Variants in FAM169A observed in about 807,000 individuals in gnomAD.
FAM169A encodes the protein family with sequence similarity 169 member A.
A neutral mutation model predicts 75.7 loss-of-function variants in FAM169A; 24 were observed. That is an observed-to-expected ratio of 0.32 (90% CI 0.23 to 0.45). FAM169A has a LOEUF of 0.45. Ranked by LOEUF, FAM169A falls within the 20% of genes least tolerant of loss-of-function variation. The pLI is 1.00. For missense variants in FAM169A, 673 were observed against 784.0 expected, an observed-to-expected ratio of 0.86 and a Z score of 1.69; for synonymous variants, 271 against 271.0, an observed-to-expected ratio of 1.00 and a Z score of 0.00.
chr5:74,820,304 A>G (rs889878563), intron 5 of FAM169A, among the ~76,000 whole-genome samples: 24 of 152,024 alleles, frequency 1.6e-4, no homozygotes, highest in Non-Finnish European at 2.6e-4. Flanking sequence ...CCTGAATTGT[A>G]TATTTTAAAT....
chr5:74,858,869 G>T (rs186103015), intron 1 of FAM169A, among the ~76,000 whole-genome samples: 4 of 152,132 alleles, frequency 2.6e-5, no homozygotes, highest in Admixed American at 2.0e-4. Context: ...TCTTAGTTTG[G>T]GATCCATAAA....
In FAM169A at chr5:74,779,497, CA is replaced by C. The variant is rs1745300348; in HGVS notation, c.*1962del. On this transcript the variant is annotated 3_prime_UTR_variant, in exon 13 of 13. Transcript: ENST00000687041. Reference sequence around the variant, plus strand: ...GTGTTTTCAAATCTAAGAAATGAAACATGTAAAGATTAAGAATTTACTGAAT... The same window carrying C: ...GTGTTTTCAAATCTAAGAAATGAAACTGTAAAGATTAAGAATTTACTGAAT... 1 of 152,018 alleles carries C rather than the reference CA, an allele frequency of 6.6e-6. No individual in the cohort carries two copies. Among genetic ancestry groups the C allele is most frequent in the East Asian group, 1.9e-4 (1 of 5,196 alleles). 9.4% of individuals were successfully genotyped at this position (152,018 alleles called of 1,614,324 possible).
At position 74,805,284 on chromosome 5, in the gene FAM169A, G is replaced by A; in HGVS notation, c.671C>T (p.Ala224Val). The part of the protein sequence containing the change: ...RYPLSSLMYT[A>V]CKQYFEKYPG... ...ATACTTCTCAAAGTATTGCTTGCAA[G>A]CTGAAAAACACATTTAGAATTTTCT... is the stretch of plus-strand genomic sequence containing the variant. The change falls in exon 7 of 13, where the codon GCT becomes GTT. Residue 224 changes from alanine to valine, a missense_variant and splice_region_variant. Ala to Val is a moderately conservative substitution (Grantham distance 64). Transcript: ENST00000687041. The A allele has an allele frequency of 6.2e-7, 1 of 1,607,648 alleles. No homozygotes were observed. The highest frequency in any genetic ancestry group is 8.5e-7 in the Non-Finnish European group (1 of 1,178,362).
intron 7 of FAM169A, 22 bp from the exon 8 acceptor site, chr5:74,804,627 A>C (rs755632935): frequency 1.1e-5 from 14 of 1,332,242 alleles, no homozygotes; most frequent in Non-Finnish European, 1.5e-5. Context: ...AGAATTTTAA[A>C]AACTGTAACC....
At chr5:74,783,986 A>G (rs1745541457) in intron 11 of FAM169A, among the ~76,000 whole-genome samples, 1 of 152,130 alleles carries the variant, frequency 6.6e-6, no homozygotes, top group African/African-American at 2.4e-5. Context: ...TAAAAAATTT[A>G]TTAAATTGTT....
intron 11 of FAM169A, among the ~76,000 whole-genome samples, chr5:74,793,034 T>C (rs899116365): frequency 6.6e-6 from 1 of 152,104 alleles, no homozygotes; most frequent in African/African-American, 2.4e-5. Flanking sequence ...AAAGAAAATG[T>C]GGTATATATA....
intron 1 of FAM169A, among the ~76,000 whole-genome samples, chr5:74,859,698 T>A (rs904322482): frequency 2.0e-5 from 3 of 152,174 alleles, no homozygotes; most frequent in Non-Finnish European, 4.4e-5. Flanking sequence ...CGATTTTTTT[T>A]AAATAAGGAA....
At chr5:74,850,857 C>T (rs1749405826) in intron 1 of FAM169A, among the ~76,000 whole-genome samples, 1 of 152,052 alleles carries the variant, frequency 6.6e-6, no homozygotes, top group African/African-American at 2.4e-5. Context: ...ATTCATAAAA[C>T]AGGAAAAACA....
At chr5:74,812,264 C>G (rs977918018) in intron 6 of FAM169A, among the ~76,000 whole-genome samples, 3 of 152,112 alleles carry the variant, frequency 2.0e-5, no homozygotes, top group Non-Finnish European at 4.4e-5. Context: ...ACCGGGACTA[C>G]AGGCACAAGC....
Position 74,801,169 on chromosome 5 carries a change from T to C in FAM169A, c.953-139A>G, listed in dbSNP as rs1375695805. On this transcript the variant is annotated intron_variant, in intron 9 of 12. Coordinates refer to ENST00000687041, the MANE Select transcript of FAM169A (RefSeq NM_001376049.1). ...CACAGGTTCACCCTCCCCTCACTTA[T>C]GTCAGGCTAAGAAAATTATTTTATA... 2.5e-5 allele frequency: 14 copies of C among 557,224 alleles called. No individual in the cohort carries two copies. The South Asian group carries it at 2.6e-4, about 10-fold the overall frequency. 34.5% of individuals were successfully genotyped at this position (557,224 alleles called of 1,614,324 possible). A position where few individuals can be genotyped will look rare whatever the true frequency, so the allele number is the denominator to read the frequency against.
At chr5:74,813,312 T>C (rs535097074) in intron 6 of FAM169A, among the ~76,000 whole-genome samples, 1 of 151,970 alleles carries the variant, frequency 6.6e-6, no homozygotes, top group Non-Finnish European at 1.5e-5. Context: ...TTATGGCATA[T>C]GTTGTTTTGT....
At chr5:74,831,670 G>C (rs1748317068) in intron 5 of FAM169A, among the ~76,000 whole-genome samples, 1 of 152,072 alleles carries the variant, frequency 6.6e-6, no homozygotes, top group African/African-American at 2.4e-5. Context: ...GAGCATTTTG[G>C]ATTTCAAATT....
At chr5:74,818,935 G>A (rs1308944240) in intron 5 of FAM169A, among the ~76,000 whole-genome samples, 1 of 151,884 alleles carries the variant, frequency 6.6e-6, no homozygotes, top group East Asian at 1.9e-4. Context: ...AATGACAAAC[G>A]ATGGCTAGGC....
At position 74,817,697 on chromosome 5, in the gene FAM169A, T is replaced by C. The variant is rs535721356; in HGVS notation, c.491-3678A>G. ...CACACAGGAAAATAAGGAGCCCAAA[T>C]AGCCAAAATAATCTTGACAAAGAAC... On this transcript the variant is annotated intron_variant, in intron 5 of 12. Coordinates refer to ENST00000687041, the MANE Select transcript of FAM169A (RefSeq NM_001376049.1). Among the ~76,000 whole-genome samples, 4 of 152,182 alleles carry C rather than the reference T, an allele frequency of 2.6e-5. No homozygotes were observed. In the South Asian group the frequency reaches 6.2e-4, roughly 24 times the overall value.
chr5:74,831,690 G>C (rs907052354), intron 5 of FAM169A, among the ~76,000 whole-genome samples: 2 of 152,150 alleles, frequency 1.3e-5, no homozygotes, highest in African/African-American at 4.8e-5. Flanking sequence ...TTTCAGATTA[G>C]AGATATTCAA....
chr5:74,781,332 G>GTAA lies in FAM169A; in HGVS notation c.*125_*127dup. 1.4e-6 allele frequency: 1 copy of GTAA among 739,914 alleles called. No individual in the cohort carries two copies. The highest frequency in any genetic ancestry group is 2.7e-5 in the Admixed American group (1 of 36,554). The allele number at this position is 739,914 out of a possible 1,614,324, so 45.8% of individuals were successfully genotyped here. A position where few individuals can be genotyped will look rare whatever the true frequency, so the allele number is the denominator to read the frequency against. On this transcript the variant is annotated 3_prime_UTR_variant, in exon 13 of 13. Transcript: ENST00000687041. ...CTAAAGGGAAGCAAAAAACTGCATAGTAAGTAAGTTCAAATTGAAATTTTG... is the reference window on the plus strand; with the variant it reads ...CTAAAGGGAAGCAAAAAACTGCATAGTAATAAGTAAGTTCAAATTGAAATTTTG...
intron 1 of FAM169A, among the ~76,000 whole-genome samples, chr5:74,858,499 A>T (rs1749840830): frequency 1.3e-5 from 2 of 152,216 alleles, no homozygotes; most frequent in African/African-American, 2.4e-5. Context: ...ACCGAATACC[A>T]CATGTTCTCA....
chr5:74,782,393 C>T (rs969342951), intron 12 of FAM169A, among the ~76,000 whole-genome samples: 1 of 152,156 alleles, frequency 6.6e-6, no homozygotes, highest in Non-Finnish European at 1.5e-5. Flanking sequence ...TACCACACTA[C>T]GTTTGACTAC....
chr5:74,851,254 T>C (rs1749430420), intron 1 of FAM169A, among the ~76,000 whole-genome samples: 3 of 152,176 alleles, frequency 2.0e-5, no homozygotes, highest in Non-Finnish European at 2.9e-5. Flanking sequence ...GTAGCTCACT[T>C]CGTAGTGCAG....
Sources: allele counts gnomAD v4.1 joint callset (sites outside exome capture counted in the v4.1 genomes callset), GRCh38; gene constraint gnomAD v4.1.1; transcripts MANE v1.5; gene names NCBI Gene and HGNC (gene_info 2026-07-23, HGNC 2026-07-21).